Variants in HPGD observed in about 807,000 individuals in gnomAD.
HPGD encodes the protein 15-hydroxyprostaglandin dehydrogenase, also known as 15-hydroxyprostaglandin dehydrogenase [NAD(+)].
Under a neutral mutation model 30.0 loss-of-function variants are expected in HPGD, and 29 were observed. The ratio of observed to expected loss-of-function variants is 0.97; its 90% CI spans 0.72 to 1.32. The LOEUF (loss-of-function observed/expected upper bound fraction) is 1.32, where lower values mean the gene tolerates loss of function less well. Ranked by LOEUF, HPGD falls within the 40% of genes most tolerant of loss-of-function variation. The pLI is 0.00. For missense variants in HPGD, 340 were observed against 322.1 expected (o/e 1.06, Z -0.43); for synonymous variants, 99 against 112.4 (o/e 0.88, Z 0.75).
In HPGD at chr4:174,496,473, A is replaced by T. The variant is rs1734602279; in HGVS notation, c.422-849T>A. 6.6e-6 allele frequency among the ~76,000 whole-genome samples: 1 copy of T among 152,174 alleles called. No homozygotes were observed. Among genetic ancestry groups the T allele is most frequent in the Non-Finnish European group, 1.5e-5 (1 of 68,026 alleles). On this transcript the variant is annotated intron_variant, in intron 4 of 6. Coordinates refer to ENST00000296522, the MANE Select transcript of HPGD (RefSeq NM_000860.6). This position sits in a 1 kb window ranked among gnomAD's most constrained non-coding sequence, Gnocchi z 4.6. ...AACAACAACAATAAAAACCTATTTT[A>T]CTCTAGTAACTATTATTATCAAGCT...
At chr4:174,495,963 T>A in intron 4 of HPGD, 1 of 268,916 alleles carries the variant, frequency 3.7e-6, no homozygotes, top group South Asian at 4.5e-5. Context: ...GTCAGTAAAT[T>A]ACCACCTAAG....
chr4:174,497,919 C>G (rs566735449), intron 4 of HPGD, among the ~76,000 whole-genome samples: 1 of 149,600 alleles, frequency 6.7e-6, no homozygotes, highest in Non-Finnish European at 1.5e-5. Flanking sequence ...CTCTTCCCCC[C>G]GCCCCATACC....
rs775691306 is a variant in HPGD at position 174,508,689 on chromosome 4, C to T, written c.421+7G>A. 6.3e-5 allele frequency: 96 copies of T among 1,522,584 alleles called. No individual in the cohort carries two copies. The highest frequency in any genetic ancestry group is 8.5e-5 in the Non-Finnish European group (93 of 1,097,066). The allele number at this position is 1,522,584 out of a possible 1,614,324, so 94.3% of individuals were successfully genotyped here. A position where few individuals can be genotyped will look rare whatever the true frequency, so the allele number is the denominator to read the frequency against. ...AATGTTACATTTAATGTAATAATTG[C>T]CCTTACCTGCTAAAGATGACATATT... On this transcript the variant is annotated splice_region_variant and intron_variant, in intron 4 of 6. Coordinates refer to ENST00000296522, the MANE Select transcript of HPGD (RefSeq NM_000860.6).
chr4:174,522,193 G>A, intron 1 of HPGD, 126 bp from the exon 2 acceptor site: 2 of 1,483,082 alleles, frequency 1.3e-6, no homozygotes, highest in Non-Finnish European at 1.9e-6. Flanking sequence ...TTCCCTCCCA[G>A]CCACTTCTGA....
At chr4:174,505,581 C>T (rs915285043) in intron 4 of HPGD, among the ~76,000 whole-genome samples, 7 of 152,094 alleles carry the variant, frequency 4.6e-5, no homozygotes, top group Non-Finnish European at 7.4e-5. Flanking sequence ...GAATTTTTAT[C>T]AAACTAATTT....
chr4:174,509,232 A>C (rs1735345850), intron 3 of HPGD, among the ~76,000 whole-genome samples: 1 of 152,218 alleles, frequency 6.6e-6, no homozygotes, highest in South Asian at 2.1e-4. Context: ...ATCTTGGAAT[A>C]TAGAATAATG....
intron 4 of HPGD, among the ~76,000 whole-genome samples, chr4:174,501,159 A>G (rs2110801565): frequency 6.6e-6 from 1 of 152,160 alleles, no homozygotes; most frequent in Non-Finnish European, 1.5e-5. Flanking sequence ...CAATGGGAGG[A>G]CCCCTGTTGC....
rs1439435148 is a variant in HPGD, at chr4:174,521,957, C to T, written c.204G>A (p.Gln68=). The change falls in exon 2 of 7, where the codon CAG becomes CAA. Residue 68 remains glutamine, a synonymous_variant. Transcript: ENST00000296522. ...CCCCTGTCTTACCTCTCAGTTGTTGCTGGTCAGCCACATCGCACTGGATGA... is the reference window on the plus strand; with the variant it reads ...CCCCTGTCTTACCTCTCAGTTGTTGTTGGTCAGCCACATCGCACTGGATGA... ...TLFIQCDVAD[Q]QQLRDTFRKV... is the part of the protein sequence containing the mutation. 6.2e-7 allele frequency: 1 copy of T among 1,614,180 alleles called. No individual in the cohort carries two copies. The highest frequency in any genetic ancestry group is 8.5e-7 in the Non-Finnish European group (1 of 1,180,014).
At chr4:174,517,478 G>A (rs1735850033) in intron 3 of HPGD, among the ~76,000 whole-genome samples, 1 of 152,124 alleles carries the variant, frequency 6.6e-6, no homozygotes, top group East Asian at 1.9e-4. Flanking sequence ...GAATGCCACA[G>A]GATCTTTTAC....
At chr4:174,519,088 G>C (rs1013251411) in intron 2 of HPGD, among the ~76,000 whole-genome samples, 1 of 152,102 alleles carries the variant, frequency 6.6e-6, no homozygotes, top group African/African-American at 2.4e-5. Flanking sequence ...GGATTAATCA[G>C]TTGCCATATA....
rs771739524 is a variant in HPGD, at chr4:174,518,030, C to T, written c.265G>A (p.Val89Ile). 2.9e-5 allele frequency: 46 copies of T among 1,607,744 alleles called. 1 individual carries two copies. In the South Asian group the frequency reaches 5.0e-4, roughly 17 times the overall value. The change falls in exon 3 of 7, where the codon GTC becomes ATC. Residue 89 changes from valine to isoleucine, a missense_variant. Physicochemically the swap from Val to Ile is conservative, Grantham distance 29. Transcript: ENST00000296522. ...TCATTATTCACTCCAGCATTATTGACCAAAATGTCCAGTCTTCCAAAGTGG... is the reference window on the plus strand; with the variant it reads ...TCATTATTCACTCCAGCATTATTGATCAAAATGTCCAGTCTTCCAAAGTGG... Reference protein sequence around the residue: ...VDHFGRLDILVNNAGVNNEKN... With the variant: ...VDHFGRLDILINNAGVNNEKN...
intron 3 of HPGD, among the ~76,000 whole-genome samples, chr4:174,516,197 G>C (rs1735762032): frequency 6.6e-6 from 1 of 152,132 alleles, no homozygotes; most frequent in Non-Finnish European, 1.5e-5. Flanking sequence ...GCACTAATAG[G>C]GTCATCGCAA....
intron 4 of HPGD, chr4:174,507,137 G>C (rs1402941001): frequency 6.6e-6 from 1 of 152,072 alleles, no homozygotes; most frequent in Non-Finnish European, 1.5e-5. Context: ...GTCTCCCACA[G>C]CTTAACATTT....
chr4:174,498,504 C>G (rs1734752742), intron 4 of HPGD, among the ~76,000 whole-genome samples: 1 of 152,092 alleles, frequency 6.6e-6, no homozygotes, highest in Admixed American at 6.6e-5. Flanking sequence ...CTTTCTGCTG[C>G]CCCTCTCCTC....
intron 5 of HPGD, among the ~76,000 whole-genome samples, chr4:174,493,701 G>A (rs1294816006): frequency 1.3e-5 from 2 of 152,104 alleles, no homozygotes; most frequent in Non-Finnish European, 2.9e-5. Flanking sequence ...GACTTTTAGT[G>A]AAAATGTTTA....
rs1734348692 is a variant in HPGD at position 174,491,649 on chromosome 4, A to G, written c.*307T>C. 3.5e-6 allele frequency: 1 copy of G among 288,930 alleles called. No individual in the cohort carries two copies. The highest frequency in any genetic ancestry group is 4.7e-5 in the South Asian group (1 of 21,060). The allele number at this position is 288,930 out of a possible 1,614,324, so 17.9% of individuals were successfully genotyped here. On this transcript the variant is annotated 3_prime_UTR_variant, in exon 7 of 7. Transcript: ENST00000296522. The stretch of plus-strand genomic sequence containing the variant: ...GATGTTCTGAAGAACATTAATATTT[A>G]TGAAGCACAGATATAAATACACTTT...
chr4:174,508,657 G>C lies in HPGD; in HGVS notation c.421+39C>G, dbSNP rs3775977. 3.5e-6 allele frequency: 4 copies of C among 1,138,476 alleles called. No homozygotes were observed. In the South Asian group the frequency reaches 4.9e-5, roughly 14 times the overall value. 70.5% of individuals were successfully genotyped at this position (1,138,476 alleles called of 1,614,324 possible). A position where few individuals can be genotyped will look rare whatever the true frequency, so the allele number is the denominator to read the frequency against. ...TTTGTTTTTGTGGTCCAAATTACCA[G>C]TAAGAAAATGTTACATTTAATGTAA... On this transcript the variant is annotated intron_variant, in intron 4 of 6. Coordinates refer to ENST00000296522, the MANE Select transcript of HPGD (RefSeq NM_000860.6).
chr4:174,508,233 T>A (rs868014836), intron 4 of HPGD: 1 of 667,118 alleles, frequency 1.5e-6, no homozygotes, highest in Middle Eastern at 2.4e-4. Context: ...AGGAATGTGC[T>A]TATACTACAT....
rs139828298 is a variant in HPGD at position 174,494,733 on chromosome 4, C to G, written c.498+815G>C. Among the ~76,000 whole-genome samples the G allele has an allele frequency of 2.5e-4, 38 of 152,250 alleles. No individual in the cohort carries two copies. The highest frequency in any genetic ancestry group is 3.4e-3 in the Middle Eastern group (1 of 294). ...TCACCTAGATGAACCACCCAGAGAC[C>G]CCCTACAACTGTTCTTTCCGCTTTT... On this transcript the variant is annotated intron_variant, in intron 5 of 6. Coordinates refer to ENST00000296522, the MANE Select transcript of HPGD (RefSeq NM_000860.6). This position sits in a 1 kb window ranked among gnomAD's most constrained non-coding sequence, Gnocchi z 4.9.
Sources: allele counts gnomAD v4.1 joint callset (sites outside exome capture counted in the v4.1 genomes callset), GRCh38; gene constraint gnomAD v4.1.1; non-coding constraint Gnocchi (gnomAD v3.1); transcripts MANE v1.5; gene names NCBI Gene and HGNC (gene_info 2026-07-23, HGNC 2026-07-21).